Variants in RILPL1 observed in about 807,000 individuals in gnomAD.
RILPL1 encodes Rab interacting lysosomal protein like 1, also known as RILP-like protein 1.
Under a neutral mutation model 50.3 loss-of-function variants are expected in RILPL1, and 33 were observed. The ratio of observed to expected loss-of-function variants is 0.66; its 90% confidence interval spans 0.50 to 0.88. RILPL1 has a LOEUF of 0.88. Among genes scored for constraint, RILPL1 ranks in the 40% least tolerant of loss-of-function variants. The pLI is 0.00. For missense variants in RILPL1, 418 were observed against 542.5 expected, an observed-to-expected ratio of 0.77 and a Z score of 2.28; for synonymous variants, 205 against 228.6, an observed-to-expected ratio of 0.90 and a Z score of 0.93.
chr12:123,471,676 A>G lies in RILPL1; in HGVS notation c.*862T>C, dbSNP rs890451083. The G allele has an allele frequency of 6.6e-6, 1 of 152,232 alleles. No individual in the cohort carries two copies. The highest frequency in any genetic ancestry group is 6.6e-5 in the Admixed American group (1 of 15,250). The allele number at this position is 152,232 out of a possible 1,614,324, so 9.4% of individuals were successfully genotyped here. A position where few individuals can be genotyped will look rare whatever the true frequency, so the allele number is the denominator to read the frequency against. ...ACAGCTCCCCCACCTGCCCTCCTGCATTGCCTAGGATCCCACGCCCCGCTT... is the reference window on the plus strand; with the variant it reads ...ACAGCTCCCCCACCTGCCCTCCTGCGTTGCCTAGGATCCCACGCCCCGCTT... On this transcript the variant is annotated 3_prime_UTR_variant, in exon 7 of 7. Coordinates refer to ENST00000376874, the MANE Select transcript of RILPL1 (RefSeq NM_178314.5).
chr12:123,518,219 C>G (rs1040029622), intron 2 of RILPL1, among the ~76,000 whole-genome samples: 1 of 152,094 alleles, frequency 6.6e-6, no homozygotes, highest in African/African-American at 2.4e-5. Context: ...ATGATTAAGA[C>G]AGGGCCGGGT....
In RILPL1 at chr12:123,503,186, C is replaced by CTTTTTTTTTT. The variant is rs373514624; in HGVS notation, c.461-3660_461-3651dup. Among the ~76,000 whole-genome samples, 13 of 80,734 alleles carry CTTTTTTTTTT rather than the reference C, an allele frequency of 1.6e-4. 1 individual carries two copies. The highest frequency in any genetic ancestry group is 1.8e-4 in the Non-Finnish European group (8 of 43,338). The allele number at this position is 80,734 out of a possible 152,430, so 53.0% of individuals were successfully genotyped here. On this transcript the variant is annotated intron_variant, in intron 2 of 6. Coordinates refer to ENST00000376874, the MANE Select transcript of RILPL1 (RefSeq NM_178314.5). Reference sequence around the variant, plus strand: ...ACAGGCGTGAACCACCACGCCTGGCCTTTTTTTTTTTTTTTTTTTTTTTTT... The same window carrying CTTTTTTTTTT: ...ACAGGCGTGAACCACCACGCCTGGCCTTTTTTTTTTTTTTTTTTTTTTTTTTTTTTTTTTT...
intron 4 of RILPL1, among the ~76,000 whole-genome samples, chr12:123,493,819 C>G (rs1346720450): frequency 7.1e-6 from 1 of 139,970 alleles, no homozygotes; most frequent in Admixed American, 7.2e-5. Context: ...AAGTCTTGCT[C>G]TGTCGTCCAG....
intron 4 of RILPL1, among the ~76,000 whole-genome samples, chr12:123,497,630 C>T (rs1246043630): frequency 1.3e-5 from 2 of 152,044 alleles, no homozygotes; most frequent in Non-Finnish European, 2.9e-5. Context: ...GACCTCAAGT[C>T]ATCTGCCCAC....
intron 4 of RILPL1, among the ~76,000 whole-genome samples, chr12:123,495,885 T>C (rs777805272): frequency 1.3e-5 from 2 of 151,552 alleles, no homozygotes; most frequent in Admixed American, 6.6e-5. Flanking sequence ...TTCGCCACGT[T>C]AGCCAGGCTG....
In RILPL1 at chr12:123,533,390, C is replaced by A; in HGVS notation, c.93G>T (p.Ala31=). The change falls in exon 1 of 7, where the codon GCG becomes GCT. Residue 31 remains alanine, a synonymous_variant. Coordinates refer to ENST00000376874, the MANE Select transcript of RILPL1 (RefSeq NM_178314.5). This position sits in a 1 kb window ranked among gnomAD's most constrained non-coding sequence, Gnocchi z 6.2. ...GCTCGAACTCGTGGCCCACAAGCGA[C>A]GCGATGTCGTACACGTCCATGACGG... ...ELTVMDVYDI[A]SLVGHEFERV... 7 of 1,559,642 alleles carry A rather than the reference C, an allele frequency of 4.5e-6. No homozygotes were observed. Among genetic ancestry groups the A allele is most frequent in the Non-Finnish European group, 6.1e-6 (7 of 1,153,446 alleles).
intron 2 of RILPL1, among the ~76,000 whole-genome samples, chr12:123,508,936 A>C (rs1253981212): frequency 6.6e-6 from 1 of 152,176 alleles, no homozygotes; most frequent in Admixed American, 6.5e-5. Flanking sequence ...CTGTAATCCC[A>C]GCACTTTGGG....
At position 123,470,491 on chromosome 12, in the gene RILPL1, AAAG is replaced by A; in HGVS notation, c.*2044_*2046del. The A allele has an allele frequency of 6.5e-6, 1 of 152,742 alleles. No homozygotes were observed. Among genetic ancestry groups the A allele is most frequent in the Non-Finnish European group, 1.4e-5 (1 of 70,384 alleles). 9.5% of individuals were successfully genotyped at this position (152,742 alleles called of 1,614,324 possible). A position where few individuals can be genotyped will look rare whatever the true frequency, so the allele number is the denominator to read the frequency against. ...CTGTGTCCAAAAAAAAAAAAAAAAA[AAAG>A]GCCAGCCACAGTGGCTCACACCTGT... On this transcript the variant is annotated 3_prime_UTR_variant, in exon 7 of 7. Coordinates refer to ENST00000376874, the MANE Select transcript of RILPL1 (RefSeq NM_178314.5).
intron 2 of RILPL1, among the ~76,000 whole-genome samples, chr12:123,512,873 GGTCT>G (rs1164524852): frequency 3.4e-5 from 5 of 146,840 alleles, no homozygotes; most frequent in Non-Finnish European, 6.0e-5. Context: ...TGGTGTGTGA[GGTCT>G]GTGTGTGTGT....
chr12:123,519,365 G>A (rs1354104762), intron 2 of RILPL1: 2 of 152,226 alleles, frequency 1.3e-5, no homozygotes, highest in African/African-American at 4.8e-5. Context: ...CCCTCCAGCT[G>A]ACAAACTGGA....
chr12:123,492,705 G>A (rs1882775604), intron 4 of RILPL1, among the ~76,000 whole-genome samples: 1 of 152,154 alleles, frequency 6.6e-6, no homozygotes, highest in Non-Finnish European at 1.5e-5. Context: ...AGACATAGGA[G>A]ACTCCATTTT....
rs568892757 is a variant in RILPL1 at position 123,470,836 on chromosome 12, T to C, written c.*1702A>G. ...AAAGATAACCAAGAAACTGGCAATT[T>C]TGGTTACCTGTTGGAAGGGCAACAA... On this transcript the variant is annotated 3_prime_UTR_variant, in exon 7 of 7. Transcript: ENST00000376874. 1.8e-4 allele frequency: 27 copies of C among 152,244 alleles called. No homozygotes were observed. The highest frequency in any genetic ancestry group is 6.5e-4 in the African/African-American group (27 of 41,558). 9.4% of individuals were successfully genotyped at this position (152,244 alleles called of 1,614,324 possible).
At chr12:123,479,476 G>C (rs1881816807) in intron 6 of RILPL1, among the ~76,000 whole-genome samples, 1 of 152,126 alleles carries the variant, frequency 6.6e-6, no homozygotes, top group South Asian at 2.1e-4. Context: ...ATGAAGGATG[G>C]AAGGACGCTC....
In RILPL1 at chr12:123,498,489, G is replaced by A; in HGVS notation, c.801+55C>T. 10 of 1,542,908 alleles carry A rather than the reference G, an allele frequency of 6.5e-6. No homozygotes were observed. The highest frequency in any genetic ancestry group is 8.9e-6 in the Non-Finnish European group (10 of 1,121,870). ...AACAAGGCAACCCTGCCTGCCTTAA[G>A]CCAACCCCCAGACTGACCCTCTGCT... On this transcript the variant is annotated intron_variant, in intron 4 of 6. Coordinates refer to ENST00000376874, the MANE Select transcript of RILPL1 (RefSeq NM_178314.5). This position sits in a 1 kb window ranked among gnomAD's most constrained non-coding sequence, Gnocchi z 4.3.
At chr12:123,483,515 A>G (rs1882131783) in intron 6 of RILPL1, among the ~76,000 whole-genome samples, 1 of 152,244 alleles carries the variant, frequency 6.6e-6, no homozygotes. Flanking sequence ...TTAGAGGTCC[A>G]TGAACCTCCT....
At chr12:123,482,347 T>G (rs1249994874) in intron 6 of RILPL1, among the ~76,000 whole-genome samples, 1 of 152,166 alleles carries the variant, frequency 6.6e-6, no homozygotes, top group Non-Finnish European at 1.5e-5. Context: ...CCCTCCCCAG[T>G]GCATCAGGGA....
chr12:123,523,257 C>T (rs916203954), intron 2 of RILPL1, among the ~76,000 whole-genome samples: 1 of 152,178 alleles, frequency 6.6e-6, no homozygotes, highest in African/African-American at 2.4e-5. Flanking sequence ...GCCTGACAAA[C>T]AGAGGGGAAC....
chr12:123,488,214 G>A (rs1301835501), intron 4 of RILPL1, among the ~76,000 whole-genome samples: 1 of 152,044 alleles, frequency 6.6e-6, no homozygotes, highest in Non-Finnish European at 1.5e-5. Flanking sequence ...TGAGGCAGGA[G>A]GATCACTAGA....
At chr12:123,520,420 G>A (rs751308623) in intron 2 of RILPL1, among the ~76,000 whole-genome samples, 12 of 152,196 alleles carry the variant, frequency 7.9e-5, no homozygotes, top group African/African-American at 1.4e-4. Flanking sequence ...TTAGATGGAC[G>A]TGGTGGCACA....
Sources: gnomAD v4.1 joint callset for allele counts (sites outside exome capture counted in the v4.1 genomes callset) on GRCh38, gnomAD v4.1.1 for gene constraint, Gnocchi (gnomAD v3.1) non-coding constraint, MANE v1.5 for transcripts, NCBI Gene and HGNC (gene_info 2026-07-23, HGNC 2026-07-21) for gene names.